The following C8orf34 variants were observed in gnomAD, a reference collection of about 807,000 sequenced individuals.
C8orf34 encodes the protein chromosome 8 open reading frame 34.
In C8orf34, 65 loss-of-function variants were observed where a neutral mutation model predicts 68.3. The observed-to-expected ratio is 0.95, with a 90% CI of 0.78 to 1.17. The LOEUF (loss-of-function observed/expected upper bound fraction) is 1.17. Among genes scored for constraint, C8orf34 ranks in the 50% most tolerant of loss-of-function variants. C8orf34 has a pLI of 0.00. For missense variants in C8orf34, 664 were observed against 655.4 expected (o/e 1.01, Z -0.14); for synonymous variants, 244 against 241.2 (o/e 1.01, Z -0.11).
intron 5 of C8orf34, among the ~76,000 whole-genome samples, chr8:68,520,945 A>G (rs1398114627): frequency 2.0e-5 from 3 of 152,230 alleles, no homozygotes; most frequent in Non-Finnish European, 2.9e-5. Context: ...AACTAAAATT[A>G]CCTGTAGTTC....
intron 10 of C8orf34, among the ~76,000 whole-genome samples, chr8:68,732,589 CT>C (rs1182035914): frequency 1.3e-5 from 2 of 152,026 alleles, no homozygotes; most frequent in African/African-American, 4.8e-5. Flanking sequence ...GTTATAATAG[CT>C]TTTTTATTAC....
At chr8:68,387,140 A>G (rs1351479852) in intron 1 of C8orf34, among the ~76,000 whole-genome samples, 1 of 152,002 alleles carries the variant, frequency 6.6e-6, no homozygotes, top group African/African-American at 2.4e-5. Flanking sequence ...AGGAAGGTGA[A>G]AGGTGGTGAT....
intron 5 of C8orf34, among the ~76,000 whole-genome samples, chr8:68,489,547 T>C (rs1451794840): frequency 6.6e-6 from 1 of 152,230 alleles, no homozygotes; most frequent in East Asian, 1.9e-4. Context: ...GAGATAATTT[T>C]ATGCAATATT....
intron 1 of C8orf34, among the ~76,000 whole-genome samples, chr8:68,334,596 A>G (rs1407016235): frequency 6.6e-6 from 1 of 152,086 alleles, no homozygotes; most frequent in Non-Finnish European, 1.5e-5. Flanking sequence ...CACTCACAAG[A>G]GTGTGAAATC....
At chr8:68,761,439 A>T (rs559631102) in intron 10 of C8orf34, among the ~76,000 whole-genome samples, 2 of 152,282 alleles carry the variant, frequency 1.3e-5, no homozygotes, top group African/African-American at 4.8e-5. Context: ...GGAAAAAAAA[A>T]TTGTCTCCCT....
At chr8:68,630,080 A>T (rs1233553345) in intron 7 of C8orf34, among the ~76,000 whole-genome samples, 2 of 152,100 alleles carry the variant, frequency 1.3e-5, no homozygotes, top group African/African-American at 4.8e-5. Flanking sequence ...AGAACATAGG[A>T]GAGTTTATTT....
At chr8:68,813,247 T>A (rs1006135260) in intron 12 of C8orf34, among the ~76,000 whole-genome samples, 1 of 152,162 alleles carries the variant, frequency 6.6e-6, no homozygotes, top group Non-Finnish European at 1.5e-5. Context: ...CTATCCCTAG[T>A]ATAGGGGGAG....
chr8:68,570,086 A>C (rs559066993), intron 7 of C8orf34, among the ~76,000 whole-genome samples: 1 of 152,312 alleles, frequency 6.6e-6, no homozygotes, highest in Admixed American at 6.5e-5. Context: ...CTGGAAGCCC[A>C]TACTTTTCTA....
chr8:68,488,598 C>T (rs1813177008), intron 5 of C8orf34, among the ~76,000 whole-genome samples: 1 of 151,974 alleles, frequency 6.6e-6, no homozygotes, highest in South Asian at 2.1e-4. Context: ...TGGGGAATTG[C>T]AGAACAAATC....
At chr8:68,755,494 A>C (rs888771047) in intron 10 of C8orf34, among the ~76,000 whole-genome samples, 2 of 152,218 alleles carry the variant, frequency 1.3e-5, no homozygotes, top group African/African-American at 4.8e-5. Context: ...AATCCTATGT[A>C]GTAGATATCT....
chr8:68,751,996 GT>G (rs1822721925), intron 10 of C8orf34, among the ~76,000 whole-genome samples: 3 of 152,074 alleles, frequency 2.0e-5, no homozygotes, highest in Non-Finnish European at 2.9e-5. Context: ...AGATTTTTAT[GT>G]TTTAGTTTAA....
intron 10 of C8orf34, among the ~76,000 whole-genome samples, chr8:68,725,839 C>A (rs945860230): frequency 1.3e-5 from 2 of 152,180 alleles, no homozygotes; most frequent in Admixed American, 6.5e-5. Context: ...TCACTGTTAA[C>A]ACCTGTAATG....
chr8:68,643,376 G>A (rs1361300154), intron 8 of C8orf34, among the ~76,000 whole-genome samples: 1 of 152,072 alleles, frequency 6.6e-6, no homozygotes, highest in Non-Finnish European at 1.5e-5. Flanking sequence ...ATCACGGTGG[G>A]GAATGTCTGG....
chr8:68,465,499 C>T (rs1393649966), intron 3 of C8orf34, among the ~76,000 whole-genome samples: 46 of 151,580 alleles, frequency 3.0e-4, no homozygotes, highest in African/African-American at 9.7e-4. Context: ...GACACATGCA[C>T]ACGTATGTTT....
At chr8:68,607,989 T>A (rs7825855) in intron 7 of C8orf34, among the ~76,000 whole-genome samples, 44,786 of 151,812 alleles carry the variant, frequency 0.3, 8,411 homozygotes, top group African/African-American at 0.55. Context: ...AAAAGTGAGG[T>A]AAACAGAACT....
At chr8:68,704,870 A>G (rs956179930) in intron 8 of C8orf34, among the ~76,000 whole-genome samples, 10 of 149,886 alleles carry the variant, frequency 6.7e-5, no homozygotes, top group Non-Finnish European at 1.3e-4. Context: ...CTCTTGCTCT[A>G]AAATATTTAA....
intron 1 of C8orf34, among the ~76,000 whole-genome samples, chr8:68,385,767 C>T (rs1808233273): frequency 6.6e-6 from 1 of 152,064 alleles, no homozygotes; most frequent in Non-Finnish European, 1.5e-5. Flanking sequence ...TTATTGAATC[C>T]CCCTGCCCAT....
At chr8:68,567,297 A>G (rs1320218210) in intron 7 of C8orf34, among the ~76,000 whole-genome samples, 1 of 152,050 alleles carries the variant, frequency 6.6e-6, no homozygotes, top group African/African-American at 2.4e-5. Context: ...TACCATTTCA[A>G]TCTCACTGCT....
chr8:68,780,238 G>A (rs979154505), intron 11 of C8orf34, among the ~76,000 whole-genome samples: 39 of 152,148 alleles, frequency 2.6e-4, no homozygotes, highest in Admixed American at 2.5e-3. Context: ...AGTCAATGAA[G>A]TCCCAGAGCT....
Sources: gnomAD v4.1 joint callset for allele counts (sites outside exome capture counted in the v4.1 genomes callset) on GRCh38, gnomAD v4.1.1 for gene constraint, MANE v1.5 for transcripts, NCBI Gene and HGNC (gene_info 2026-07-23, HGNC 2026-07-21) for gene names.